ADAMTSL1: variants seen among roughly 807,000 people sequenced by gnomAD.
The protein encoded by ADAMTSL1 is ADAMTS like 1, also known as ADAMTS-like protein 1.
ADAMTSL1 carries 126 observed loss-of-function variants against 201.8 expected under a neutral mutation model. The observed-to-expected ratio is 0.62, with a 90% CI of 0.54 to 0.72. The LOEUF (loss-of-function observed/expected upper bound fraction) is 0.72, where lower values mean the gene tolerates loss of function less well. Among genes scored for constraint, ADAMTSL1 ranks in the 30% least tolerant of loss-of-function variants. The pLI, the probability that ADAMTSL1 is intolerant of heterozygous loss-of-function variation, is 0.00. For missense variants in ADAMTSL1, 2,679 were observed against 2,277.8 expected, an observed-to-expected ratio of 1.18 and a Z score of -3.59; for synonymous variants, 1,121 against 903.4, an observed-to-expected ratio of 1.24 and a Z score of -4.32.
intron 2 of ADAMTSL1, among the ~76,000 whole-genome samples, chr9:18,424,834 C>T (rs1819132930): frequency 5.3e-5 from 8 of 152,304 alleles, no homozygotes; most frequent in Admixed American, 5.2e-4. Context: ...TTCTGACCCA[C>T]TAGGCTCTTT....
chr9:18,130,262 C>G (rs762294449), intron 1 of ADAMTSL1, among the ~76,000 whole-genome samples: 4 of 152,216 alleles, frequency 2.6e-5, no homozygotes, highest in Non-Finnish European at 5.9e-5. Flanking sequence ...CCATACCTAT[C>G]AAGCAGCTCC....
intron 1 of ADAMTSL1, among the ~76,000 whole-genome samples, chr9:18,024,872 A>G (rs1272701270): frequency 6.6e-6 from 1 of 152,112 alleles, no homozygotes; most frequent in African/African-American, 2.4e-5. Flanking sequence ...GAACTAATAC[A>G]CATTCCACCA....
chr9:18,583,750 G>A (rs536874402), intron 4 of ADAMTSL1, among the ~76,000 whole-genome samples: 1 of 152,162 alleles, frequency 6.6e-6, no homozygotes, highest in Non-Finnish European at 1.5e-5. Flanking sequence ...TCTTGCATCA[G>A]AGTGATCCAG....
chr9:18,501,228 G>T (rs2131907075), intron 1 of ADAMTSL1, among the ~76,000 whole-genome samples: 1 of 152,200 alleles, frequency 6.6e-6, no homozygotes, highest in Middle Eastern at 3.4e-3. Flanking sequence ...AAGAGAAATG[G>T]GGCCGAGCGT....
chr9:18,756,783 G>C (rs542441111), intron 16 of ADAMTSL1, among the ~76,000 whole-genome samples: 3 of 152,320 alleles, frequency 2.0e-5, no homozygotes, highest in South Asian at 2.1e-4. Flanking sequence ...GACATTGCCC[G>C]TTTGAGGGGA....
chr9:18,588,882 T>TACATATATATATATATATATACATAC (rs1823708033), intron 4 of ADAMTSL1, among the ~76,000 whole-genome samples: 1 of 109,970 alleles, frequency 9.1e-6, no homozygotes, highest in Non-Finnish European at 1.9e-5. Context: ...TATATACATA[T>TACATATATATATATATATATACATAC]ACATATATAT....
chr9:18,187,235 T>C (rs1828777512), intron 2 of ADAMTSL1, among the ~76,000 whole-genome samples: 1 of 152,070 alleles, frequency 6.6e-6, no homozygotes, highest in Non-Finnish European at 1.5e-5. Context: ...TAGTAACTAC[T>C]CTCCATGGAG....
intron 1 of ADAMTSL1, among the ~76,000 whole-genome samples, chr9:18,000,897 A>G (rs983954160): frequency 1.3e-5 from 2 of 151,984 alleles, no homozygotes; most frequent in African/African-American, 4.8e-5. Context: ...TTTGTATCAC[A>G]TTTTTCAAAA....
intron 3 of ADAMTSL1, among the ~76,000 whole-genome samples, chr9:18,546,501 A>G (rs1319377563): frequency 6.6e-6 from 1 of 152,118 alleles, no homozygotes; most frequent in African/African-American, 2.4e-5. Flanking sequence ...TAACACCCGT[A>G]TCCAACAACA....
chr9:18,595,410 G>A (rs1490201585), intron 4 of ADAMTSL1, among the ~76,000 whole-genome samples: 3 of 152,162 alleles, frequency 2.0e-5, no homozygotes, highest in African/African-American at 7.2e-5. Flanking sequence ...AGCTGAGACT[G>A]GGCCCCCTTG....
chr9:18,144,603 C>T (rs1436718098), intron 1 of ADAMTSL1, among the ~76,000 whole-genome samples: 1 of 152,130 alleles, frequency 6.6e-6, no homozygotes, highest in Non-Finnish European at 1.5e-5. Context: ...TTCTTCCTAC[C>T]ATTTTCCTAT....
intron 19 of ADAMTSL1, among the ~76,000 whole-genome samples, chr9:18,780,226 G>T (rs1219717772): frequency 3.9e-5 from 6 of 152,158 alleles, no homozygotes; most frequent in Non-Finnish European, 8.8e-5. Context: ...TCTTGCCAAG[G>T]CCCTGCACTT....
chr9:18,555,004 A>T (rs1204780293), intron 3 of ADAMTSL1, among the ~76,000 whole-genome samples: 1 of 151,840 alleles, frequency 6.6e-6, no homozygotes, highest in Non-Finnish European at 1.5e-5. Flanking sequence ...TACCTTAAAA[A>T]TCTTCTGTGC....
intron 3 of ADAMTSL1, among the ~76,000 whole-genome samples, chr9:18,547,236 G>T (rs1292576164): frequency 6.6e-6 from 1 of 152,052 alleles, no homozygotes; most frequent in Non-Finnish European, 1.5e-5. Flanking sequence ...AGGATTTGAT[G>T]CAGAGTAAGT....
intron 1 of ADAMTSL1, among the ~76,000 whole-genome samples, chr9:18,019,339 A>C (rs1820386346): frequency 6.6e-6 from 1 of 152,094 alleles, no homozygotes; most frequent in Admixed American, 6.6e-5. Flanking sequence ...TATAAATAAC[A>C]AATGATACTA....
At chr9:18,240,943 T>A (rs917299103) in intron 2 of ADAMTSL1, among the ~76,000 whole-genome samples, 1 of 152,220 alleles carries the variant, frequency 6.6e-6, no homozygotes, top group African/African-American at 2.4e-5. Flanking sequence ...TCTGTCAACA[T>A]TCACAGAATT....
In ADAMTSL1 at chr9:18,333,579, T is replaced by G. The variant is rs576933747; in HGVS notation, c.207+169598T>G. ...AAATGACTTCAGATAGCTTTACAAA[T>G]AAATTCAGTTGGTTGAATAAATGAT... On this transcript the variant is annotated intron_variant, in intron 2 of 29. Coordinates refer to the ADAMTSL1 transcript ENST00000680146. Among the ~76,000 whole-genome samples, 8 of 152,274 alleles carry G rather than the reference T, an allele frequency of 5.3e-5. No homozygotes were observed. The East Asian group carries it at 1.5e-3, about 29-fold the overall frequency.
chr9:18,131,146 C>T (rs575392318), intron 1 of ADAMTSL1, among the ~76,000 whole-genome samples: 2 of 152,110 alleles, frequency 1.3e-5, no homozygotes, highest in Non-Finnish European at 2.9e-5. Flanking sequence ...TACCACTCTA[C>T]CTAAAAACTA....
chr9:17,919,453 A>G (rs1826222424), intron 1 of ADAMTSL1, among the ~76,000 whole-genome samples: 1 of 152,006 alleles, frequency 6.6e-6, no homozygotes, highest in Non-Finnish European at 1.5e-5. Flanking sequence ...TCAAAAAGAA[A>G]TCTTGTACCC....
Sources: gnomAD v4.1 joint callset for allele counts (sites outside exome capture counted in the v4.1 genomes callset) on GRCh38, gnomAD v4.1.1 for gene constraint, MANE v1.5 for transcripts, NCBI Gene and HGNC (gene_info 2026-07-23, HGNC 2026-07-21) for gene names.